TAFA5: variants seen among roughly 807,000 people sequenced by gnomAD.
The protein encoded by TAFA5 is TAFA chemokine like family member 5, also known as chemokine-like protein TAFA-5.
A neutral mutation model predicts 15.3 loss-of-function variants in TAFA5; 6 were observed. The ratio of observed to expected loss-of-function variants is 0.39; its 90% CI spans 0.21 to 0.77. The LOEUF is 0.77. Ranked by LOEUF, TAFA5 falls within the 30% of genes least tolerant of loss-of-function variation. The pLI is 0.41. For missense variants in TAFA5, 161 were observed against 193.1 expected, an observed-to-expected ratio of 0.83 and a Z score of 0.98; for synonymous variants, 103 against 80.7, an observed-to-expected ratio of 1.28 and a Z score of -1.48.
chr22:48,700,052 C>T (rs138620684), intron 2 of TAFA5, among the ~76,000 whole-genome samples: 235 of 152,312 alleles, frequency 1.5e-3, no homozygotes, highest in African/African-American at 4.6e-3. Context: ...CATATACACA[C>T]ACACACACCC....
intron 3 of TAFA5, among the ~76,000 whole-genome samples, chr22:48,723,900 T>C (rs130198): frequency 0.64 from 97,246 of 152,106 alleles, 32,057 homozygotes; most frequent in Admixed American, 0.7. Context: ...CCACATGTGG[T>C]ATCTTCCAGA....
At chr22:48,514,190 A>G (rs1213466546) in intron 1 of TAFA5, among the ~76,000 whole-genome samples, 4 of 152,100 alleles carry the variant, frequency 2.6e-5, no homozygotes, top group African/African-American at 9.7e-5. Context: ...GGATGAAATG[A>G]ATGCATGCTT....
At chr22:48,611,602 G>A (rs912399797) in intron 1 of TAFA5, among the ~76,000 whole-genome samples, 1 of 152,140 alleles carries the variant, frequency 6.6e-6, no homozygotes, top group African/African-American at 2.4e-5. Context: ...CTGCCACTTT[G>A]TGTCCCCTGA....
At chr22:48,659,530 G>A (rs1226596227) in intron 2 of TAFA5, among the ~76,000 whole-genome samples, 2 of 152,232 alleles carry the variant, frequency 1.3e-5, no homozygotes, top group African/African-American at 2.4e-5. Flanking sequence ...GTGGGTGGAG[G>A]AGGCTCCAAG....
At chr22:48,508,469 C>T (rs929518794) in intron 1 of TAFA5, among the ~76,000 whole-genome samples, 2 of 152,142 alleles carry the variant, frequency 1.3e-5, no homozygotes, top group African/African-American at 4.8e-5. Flanking sequence ...ATGAACGGCG[C>T]CATATGAGGA....
intron 3 of TAFA5, among the ~76,000 whole-genome samples, chr22:48,739,604 A>C (rs1240677307): frequency 6.6e-6 from 1 of 152,174 alleles, no homozygotes; most frequent in South Asian, 2.1e-4. Flanking sequence ...TGCTGACACA[A>C]GGTTAGACAT....
chr22:48,546,496 G>A (rs1018258949), intron 1 of TAFA5: 15 of 471,048 alleles, frequency 3.2e-5, no homozygotes, highest in South Asian at 1.2e-4. Flanking sequence ...GTGTGTGGAC[G>A]CCCCTGTTTT....
At chr22:48,561,701 G>T (rs565156530) in intron 1 of TAFA5, among the ~76,000 whole-genome samples, 1 of 152,336 alleles carries the variant, frequency 6.6e-6, no homozygotes, top group Non-Finnish European at 1.5e-5. Context: ...TGGGGGTCAT[G>T]GGCCACTGGC....
intron 1 of TAFA5, among the ~76,000 whole-genome samples, chr22:48,644,056 A>G (rs1174742959): frequency 2.0e-5 from 3 of 152,360 alleles, no homozygotes; most frequent in Non-Finnish European, 1.5e-5. Context: ...GCTGTTATCC[A>G]GAGAGAAGCA....
chr22:48,605,828 C>T (rs1290844085), intron 1 of TAFA5, among the ~76,000 whole-genome samples: 1 of 152,160 alleles, frequency 6.6e-6, no homozygotes, highest in East Asian at 1.9e-4. Flanking sequence ...ATGCCAAGTC[C>T]CCACCCACAG....
intron 2 of TAFA5, among the ~76,000 whole-genome samples, chr22:48,689,009 AAAG>A (rs761023082): frequency 0.012 from 1,380 of 115,998 alleles, 44 homozygotes; most frequent in African/African-American, 0.06. Flanking sequence ...AAAAAAAAAA[AAAG>A]AGAGAGAAAA....
chr22:48,512,943 AAG>A (rs72317049), intron 1 of TAFA5, among the ~76,000 whole-genome samples: 29,131 of 116,342 alleles, frequency 0.25, 2,837 homozygotes, highest in African/African-American at 0.32. Context: ...AAAAAAAAAA[AAG>A]AGAGAGAGAG....
chr22:48,563,277 C>T (rs568607947), intron 1 of TAFA5, among the ~76,000 whole-genome samples: 6 of 152,270 alleles, frequency 3.9e-5, no homozygotes, highest in Admixed American at 2.6e-4. Context: ...CCACCGTGGG[C>T]GCTTATGTCG....
chr22:48,710,429 A>G (rs1929215843), intron 3 of TAFA5, among the ~76,000 whole-genome samples: 1 of 151,980 alleles, frequency 6.6e-6, no homozygotes, highest in African/African-American at 2.4e-5. Flanking sequence ...CCTCCCCTGT[A>G]GTTCTTCAGC....
chr22:48,557,126 C>T (rs908674970), intron 1 of TAFA5, among the ~76,000 whole-genome samples: 4 of 152,164 alleles, frequency 2.6e-5, no homozygotes, highest in Admixed American at 1.3e-4. Flanking sequence ...ACTGTGCTAG[C>T]GTCTGAATTG....
intron 1 of TAFA5, among the ~76,000 whole-genome samples, chr22:48,562,800 G>C (rs9627376): frequency 0.22 from 34,099 of 152,110 alleles, 4,843 homozygotes; most frequent in African/African-American, 0.39. Context: ...CTTCTCATGA[G>C]AACTCCACCC....
chr22:48,568,615 AGT>A (rs1923482278), intron 1 of TAFA5, among the ~76,000 whole-genome samples: 2 of 152,234 alleles, frequency 1.3e-5, no homozygotes, highest in Non-Finnish European at 2.9e-5. Context: ...AACCGTGTGC[AGT>A]GTTCTCTGCC....
chr22:48,495,696 T>G (rs968653657), intron 1 of TAFA5, among the ~76,000 whole-genome samples: 1 of 152,150 alleles, frequency 6.6e-6, no homozygotes, highest in African/African-American at 2.4e-5. Flanking sequence ...ACACCTGCTC[T>G]CCCTCCTGAA....
rs547447363 is a variant in TAFA5 at position 48,589,744 on chromosome 22, G to A, written c.113-56853G>A. 2.8e-4 allele frequency among the ~76,000 whole-genome samples: 43 copies of A among 152,244 alleles called. No homozygotes were observed. In the South Asian group the frequency reaches 4.1e-3, roughly 15 times the overall value. On this transcript the variant is annotated intron_variant, in intron 1 of 3. Coordinates refer to ENST00000402357, the MANE Select transcript of TAFA5 (RefSeq NM_001082967.3). ...ATAGCGCAGGGTCTGGAGTGATGTG[G>A]CCACACGCTGAGGAGCACCCGCAGC...
Sources: allele counts gnomAD v4.1 joint callset (sites outside exome capture counted in the v4.1 genomes callset), GRCh38; gene constraint gnomAD v4.1.1; transcripts MANE v1.5; gene names NCBI Gene and HGNC (gene_info 2026-07-23, HGNC 2026-07-21).